Variants in CSMD1 observed in about 807,000 individuals in gnomAD.
CSMD1 encodes CUB and sushi domain-containing protein 1.
In CSMD1, 213 loss-of-function variants were observed where a neutral mutation model predicts 417.5. The ratio of observed to expected loss-of-function variants is 0.51; its 90% confidence interval spans 0.46 to 0.57. The LOEUF (loss-of-function observed/expected upper bound fraction) is 0.57, where lower values mean the gene tolerates loss of function less well. Among genes scored for constraint, CSMD1 ranks in the 20% least tolerant of loss-of-function variants. The pLI, the probability that CSMD1 is intolerant of heterozygous loss-of-function variation, is 0.00. For synonymous variants in CSMD1, 2,862 were observed against 1,736.8 expected (o/e 1.65, Z -16.11); for missense variants, 6,923 against 4,529.7 (o/e 1.53, Z -15.17).
Position 4,380,990 on chromosome 8 carries a change from G to C in CSMD1, c.415+38963C>G, listed in dbSNP as rs540495879. Among the ~76,000 whole-genome samples the C allele has an allele frequency of 2.0e-5, 3 of 152,142 alleles. No individual in the cohort carries two copies. The East Asian group carries it at 5.8e-4, about 29-fold the overall frequency. ...TTTCCCATTTGGGAAAAGAAAAAGC[G>C]TATCTCACTGCCAGAACTCATTTCT... On this transcript the variant is annotated intron_variant, in intron 3 of 69. Transcript: ENST00000635120.
chr8:4,033,357 G>A (rs1487424727), intron 3 of CSMD1, among the ~76,000 whole-genome samples: 3 of 152,056 alleles, frequency 2.0e-5, no homozygotes, highest in Admixed American at 2.0e-4. Context: ...CAGGAGAATG[G>A]CGTGAACCCG....
chr8:4,816,806 T>TCACAGAG (rs1799233133), intron 1 of CSMD1, among the ~76,000 whole-genome samples: 1 of 152,100 alleles, frequency 6.6e-6, no homozygotes, highest in Non-Finnish European at 1.5e-5. Context: ...GGGAGAGATG[T>TCACAGAG]CACAGAGCCA....
chr8:3,528,583 A>G (rs1797851351), intron 10 of CSMD1, among the ~76,000 whole-genome samples: 1 of 152,240 alleles, frequency 6.6e-6, no homozygotes, highest in Non-Finnish European at 1.5e-5. Context: ...AGTAAACTGT[A>G]TACAACACAC....
chr8:4,242,771 G>C (rs1378554665), intron 3 of CSMD1, among the ~76,000 whole-genome samples: 1 of 152,176 alleles, frequency 6.6e-6, no homozygotes, highest in Non-Finnish European at 1.5e-5. Flanking sequence ...TGGATGGAAA[G>C]ATGGTAATTT....
intron 6 of CSMD1, among the ~76,000 whole-genome samples, chr8:3,733,322 A>T (rs1796363756): frequency 1.4e-5 from 2 of 147,404 alleles, no homozygotes; most frequent in South Asian, 4.2e-4. Context: ...ACATATATGT[A>T]CAAATATATA....
At chr8:3,623,605 T>C (rs1203729187) in intron 7 of CSMD1, among the ~76,000 whole-genome samples, 2 of 152,202 alleles carry the variant, frequency 1.3e-5, no homozygotes, top group Admixed American at 6.5e-5. Context: ...TTAAATGTAA[T>C]CCTTATAATC....
rs1019043051 is a variant in CSMD1, at chr8:4,052,357, C to G, written c.416-20258G>C. 3.9e-5 allele frequency among the ~76,000 whole-genome samples: 6 copies of G among 152,280 alleles called. No homozygotes were observed. In the East Asian group the frequency reaches 9.7e-4, roughly 25 times the overall value. ...ACAAGGAGTATAATGATAACACTCACGTGTATGCTATTTTCATATAATATA... is the reference window on the plus strand; with the variant it reads ...ACAAGGAGTATAATGATAACACTCAGGTGTATGCTATTTTCATATAATATA... On this transcript the variant is annotated intron_variant, in intron 3 of 69. Transcript: ENST00000635120.
chr8:4,331,603 G>A (rs990534484), intron 3 of CSMD1, among the ~76,000 whole-genome samples: 3 of 152,100 alleles, frequency 2.0e-5, no homozygotes, highest in African/African-American at 4.8e-5. Context: ...ATTTATAGTG[G>A]CAACTGTGGC....
At chr8:4,858,419 A>G (rs1464543109) in intron 1 of CSMD1, among the ~76,000 whole-genome samples, 1 of 149,992 alleles carries the variant, frequency 6.7e-6, no homozygotes, top group African/African-American at 2.5e-5. Context: ...GGCCAGGGCA[A>G]TTAGGCAGGA....
At chr8:3,347,958 T>A (rs1179058202) in intron 22 of CSMD1, 34 bp downstream of exon 22, 1 of 1,486,914 alleles carries the variant, frequency 6.7e-7, no homozygotes, top group South Asian at 1.3e-5. Flanking sequence ...AGAAGAAAAC[T>A]TGGAGTCATC....
Position 4,370,747 on chromosome 8 carries a change from C to T in CSMD1, c.415+49206G>A, listed in dbSNP as rs540137003. ...ACAGTTAATGTCACCAGTTGTGTTT[C>T]GAAATTCCTGTGGCAAATTTAATTC... is the stretch of plus-strand genomic sequence containing the variant. On this transcript the variant is annotated intron_variant, in intron 3 of 69. Coordinates refer to ENST00000635120, the MANE Select transcript of CSMD1 (RefSeq NM_033225.6). Among the ~76,000 whole-genome samples, 32 of 152,254 alleles carry T rather than the reference C, an allele frequency of 2.1e-4. No individual in the cohort carries two copies. The South Asian group carries it at 3.7e-3, about 18-fold the overall frequency.
intron 5 of CSMD1, among the ~76,000 whole-genome samples, chr8:3,803,573 G>C (rs150763277): frequency 2.2e-3 from 337 of 152,304 alleles, no homozygotes; most frequent in African/African-American, 7.7e-3. Flanking sequence ...GAAAGGCTCA[G>C]ATGGTTCATG....
intron 2 of CSMD1, among the ~76,000 whole-genome samples, chr8:4,452,071 G>A (rs573189026): frequency 2.5e-4 from 38 of 152,152 alleles, no homozygotes; most frequent in East Asian, 5.8e-4. Flanking sequence ...GGGCCAGAAT[G>A]ATCTCCTCTG....
At chr8:3,282,971 C>T (rs1351242999) in intron 26 of CSMD1, among the ~76,000 whole-genome samples, 10 of 152,186 alleles carry the variant, frequency 6.6e-5, no homozygotes, top group South Asian at 4.1e-4. Context: ...CATCTCTCCA[C>T]GGTGCCATCC....
intron 1 of CSMD1, among the ~76,000 whole-genome samples, chr8:4,850,010 C>A (rs1045617003): frequency 3.3e-5 from 5 of 152,160 alleles, no homozygotes; most frequent in Non-Finnish European, 7.4e-5. Context: ...CATGCGGGTT[C>A]TAATTTCTCC....
intron 6 of CSMD1, among the ~76,000 whole-genome samples, chr8:3,747,439 C>A (rs1797114852): frequency 6.6e-6 from 1 of 151,932 alleles, no homozygotes; most frequent in Non-Finnish European, 1.5e-5. Flanking sequence ...TAATGGTCAT[C>A]CATGCGAACA....
chr8:4,351,867 G>A (rs115695898), intron 3 of CSMD1, among the ~76,000 whole-genome samples: 3 of 151,716 alleles, frequency 2.0e-5, no homozygotes, highest in Admixed American at 6.6e-5. Context: ...CATTATATAC[G>A]ACAGGACTTG....
At chr8:4,952,385 A>C (rs943832390) in intron 1 of CSMD1, among the ~76,000 whole-genome samples, 1 of 152,028 alleles carries the variant, frequency 6.6e-6, no homozygotes, top group African/African-American at 2.4e-5. Context: ...ATGTCCACAC[A>C]GTTTCACACT....
chr8:4,781,146 A>G (rs1797131933), intron 1 of CSMD1, among the ~76,000 whole-genome samples: 1 of 152,218 alleles, frequency 6.6e-6, no homozygotes, highest in Non-Finnish European at 1.5e-5. Flanking sequence ...CTGCAATCCC[A>G]CATAGTGGCT....
Sources: allele counts gnomAD v4.1 joint callset (sites outside exome capture counted in the v4.1 genomes callset), GRCh38; gene constraint gnomAD v4.1.1; transcripts MANE v1.5; gene names NCBI Gene and HGNC (gene_info 2026-07-23, HGNC 2026-07-21).